FREM1: variants seen among roughly 807,000 people sequenced by gnomAD.
The protein encoded by FREM1 is FRAS1-related extracellular matrix protein 1.
FREM1 carries 220 observed loss-of-function variants against 210.1 expected under a neutral mutation model. That is an observed-to-expected ratio of 1.05 (90% confidence interval 0.94 to 1.17). The LOEUF (loss-of-function observed/expected upper bound fraction) is 1.17. FREM1 is among the 50% of genes most tolerant of loss of function. The pLI, the probability that FREM1 is intolerant of heterozygous loss-of-function variation, is 0.00. For missense variants in FREM1, 3,454 were observed against 2,675.5 expected (o/e 1.29, Z -6.42); for synonymous variants, 1,189 against 980.2 (o/e 1.21, Z -3.98).
intron 1 of FREM1, among the ~76,000 whole-genome samples, chr9:14,888,492 G>C (rs1836207492): frequency 6.6e-6 from 1 of 152,126 alleles, no homozygotes. Flanking sequence ...TGTTTCACTA[G>C]AAACAATGTT....
chr9:14,747,391 C>G lies in FREM1; in HGVS notation c.5882G>C (p.Ser1961Thr), dbSNP rs748496318. ...GGCCTTCCTTTTGTGAGTTGGGAAA[C>G]TGTCATCCTCCAGTTTCAAGGAAAC... ...GIVSLKLEDD[S>T]FPTHKRKAKV... is the part of the protein sequence containing the mutation. The change falls in exon 33 of 37, where the codon AGT becomes ACT. Residue 1961 changes from serine (S) to threonine (T), a missense_variant. Coordinates refer to ENST00000380880, the MANE Select transcript of FREM1 (RefSeq NM_001379081.2). 1.9e-6 allele frequency: 3 copies of G among 1,613,488 alleles called. No homozygotes were observed. The highest frequency in any genetic ancestry group is 1.7e-5 in the Admixed American group (1 of 59,968).
intron 29 of FREM1, among the ~76,000 whole-genome samples, chr9:14,751,391 G>A (rs578224465): frequency 6.6e-5 from 10 of 152,160 alleles, no homozygotes; most frequent in Non-Finnish European, 1.2e-4. Context: ...GTAAACAACT[G>A]TAATCCCAGC....
chr9:14,742,850 A>G (rs1841809490), intron 35 of FREM1, among the ~76,000 whole-genome samples: 1 of 152,164 alleles, frequency 6.6e-6, no homozygotes, highest in South Asian at 2.1e-4. Flanking sequence ...CATACTTGTC[A>G]GTACACCTAT....
At chr9:14,766,593 C>G (rs1305043924) in intron 27 of FREM1, among the ~76,000 whole-genome samples, 1 of 152,282 alleles carries the variant, frequency 6.6e-6, no homozygotes, top group East Asian at 1.9e-4. Flanking sequence ...ATCTATTCAT[C>G]CTTCAGGACT....
At chr9:14,808,171 A>C in intron 16 of FREM1, 37 bp from the exon 17 acceptor site, 1 of 1,364,498 alleles carries the variant, frequency 7.3e-7, no homozygotes, top group Non-Finnish European at 1.0e-6. Flanking sequence ...CTGCCTTTTA[A>C]AAAATATAGA....
At chr9:14,856,199 A>G (rs1828699716) in intron 5 of FREM1, among the ~76,000 whole-genome samples, 1 of 152,238 alleles carries the variant, frequency 6.6e-6, no homozygotes, top group Non-Finnish European at 1.5e-5. Context: ...AATAGGTACT[A>G]TAAACCCACT....
At chr9:14,877,715 TG>T (rs1834031167) in intron 1 of FREM1, among the ~76,000 whole-genome samples, 1 of 152,102 alleles carries the variant, frequency 6.6e-6, no homozygotes, top group South Asian at 2.1e-4. Flanking sequence ...ACACCCTGAA[TG>T]AGCTTGGAAG....
chr9:14,893,690 A>G (rs533793945), intron 1 of FREM1, among the ~76,000 whole-genome samples: 29 of 152,378 alleles, frequency 1.9e-4, no homozygotes, highest in African/African-American at 6.7e-4. Flanking sequence ...ACAGTTTGAC[A>G]TGTAAGCTGT....
At chr9:14,751,289 G>A (rs150334838) in intron 29 of FREM1, among the ~76,000 whole-genome samples, 34 of 152,286 alleles carry the variant, frequency 2.2e-4, no homozygotes, top group Middle Eastern at 3.4e-3. Flanking sequence ...GGCTATTTGA[G>A]TGCTTTTACT....
At chr9:14,766,958 C>T (rs904702181) in intron 27 of FREM1, among the ~76,000 whole-genome samples, 7 of 152,194 alleles carry the variant, frequency 4.6e-5, no homozygotes, top group Non-Finnish European at 1.0e-4. Context: ...ATTGTACCTA[C>T]ATGAATTAAC....
Position 14,887,783 on chromosome 9 carries a change from C to G in FREM1, c.-267-18539G>C, listed in dbSNP as rs113405718. ...TTTTCGTTTATTTTTCACAACAAAC[C>G]TAATTAGTTCTATTATTATTTTAAT... On this transcript the variant is annotated intron_variant, in intron 1 of 36. Coordinates refer to ENST00000380880, the MANE Select transcript of FREM1 (RefSeq NM_001379081.2). 7.0e-3 allele frequency among the ~76,000 whole-genome samples: 1,070 copies of G among 152,216 alleles called. 14 individuals are homozygous for G. Among genetic ancestry groups the G allele is most frequent in the African/African-American group, 0.025 (1,023 of 41,542 alleles).
intron 14 of FREM1, 52 bp downstream of exon 14, chr9:14,819,182 T>C: frequency 7.6e-7 from 1 of 1,314,706 alleles, no homozygotes; most frequent in Non-Finnish European, 1.1e-6. Flanking sequence ...TCACAACTGA[T>C]CTAGATAAGA....
chr9:14,752,717 T>C (rs1843610406), intron 29 of FREM1, among the ~76,000 whole-genome samples: 1 of 152,146 alleles, frequency 6.6e-6, no homozygotes. Flanking sequence ...TTATTAGTAC[T>C]TGGAGAACTG....
intron 35 of FREM1, 93 bp from the exon 36 acceptor site, chr9:14,740,327 T>C (rs1349112893): frequency 2.5e-5 from 24 of 949,998 alleles, no homozygotes; most frequent in Non-Finnish European, 3.8e-5. Context: ...AAGTTTAAAA[T>C]ACACAAAAAA....
chr9:14,738,585 C>T (rs7858241), intron 36 of FREM1, among the ~76,000 whole-genome samples: 16,269 of 115,274 alleles, frequency 0.14, 1,074 homozygotes, highest in Non-Finnish European at 0.18. Context: ...ACCCACTGAG[C>T]ACTGCAGAAA....
At position 14,865,661 on chromosome 9, in the gene FREM1, C is replaced by CTGTGTGTGTGTGTGTG. The variant is rs56960871; in HGVS notation, c.235-1774_235-1759dup. Among the ~76,000 whole-genome samples, 85 of 144,612 alleles carry CTGTGTGTGTGTGTGTG rather than the reference C, an allele frequency of 5.9e-4. 1 individual carries two copies. The highest frequency in any genetic ancestry group is 2.0e-3 in the African/African-American group (79 of 38,720). The allele number at this position is 144,612 out of a possible 152,430, so 94.9% of individuals were successfully genotyped here. A position where few individuals can be genotyped will look rare whatever the true frequency, so the allele number is the denominator to read the frequency against. On this transcript the variant is annotated intron_variant, in intron 2 of 36. Coordinates refer to ENST00000380880, the MANE Select transcript of FREM1 (RefSeq NM_001379081.2). ...GCTCTATTAAAGAATAATGTTTAGG[C>CTGTGTGTGTGTGTGTG]TGTGTGTGTGTGTGTGTGTGTGTGT...
intron 1 of FREM1, among the ~76,000 whole-genome samples, chr9:14,879,157 CAAAAA>C (rs78563904): frequency 9.6e-6 from 1 of 104,446 alleles, no homozygotes; most frequent in African/African-American, 3.1e-5. Context: ...GATTCCGTCT[CAAAAA>C]AAAAAAAAAA....
At position 14,857,726 on chromosome 9, in the gene FREM1, G is replaced by A. The variant is rs955183277; in HGVS notation, c.655C>T (p.Pro219Ser). The change falls in exon 5 of 37, where the codon CCA (proline) becomes TCA (serine). Residue 219 changes from proline to serine, a missense_variant. Physicochemically the swap from Pro to Ser is moderately conservative, Grantham distance 74. Coordinates refer to ENST00000380880, the MANE Select transcript of FREM1 (RefSeq NM_001379081.2). Reference protein sequence around the residue: ...ESQLRAKLKCPGGSCTPGLKK... With the variant: ...ESQLRAKLKCSGGSCTPGLKK... Reference sequence around the variant, plus strand: ...AATCCTGGGGTACAGCTCCCACCTGGACACTTCAGTTTTGCTCTCAGTTCT... The same window carrying A: ...AATCCTGGGGTACAGCTCCCACCTGAACACTTCAGTTTTGCTCTCAGTTCT... 14 of 1,607,980 alleles carry A rather than the reference G, an allele frequency of 8.7e-6. No homozygotes were observed. In the Admixed American group the frequency reaches 1.2e-4, roughly 14 times the overall value.
intron 1 of FREM1, among the ~76,000 whole-genome samples, chr9:14,906,169 G>GCTT (rs1817664016): frequency 6.6e-6 from 1 of 152,172 alleles, no homozygotes; most frequent in African/African-American, 2.4e-5. Context: ...ATCTAGTGAG[G>GCTT]TAAGTATCAA....
Sources: allele counts gnomAD v4.1 joint callset (sites outside exome capture counted in the v4.1 genomes callset), GRCh38; gene constraint gnomAD v4.1.1; transcripts MANE v1.5; gene names NCBI Gene and HGNC (gene_info 2026-07-23, HGNC 2026-07-21).